STAMBPL1: variants seen among roughly 807,000 people sequenced by gnomAD.
STAMBPL1 encodes the protein STAM binding protein like 1, also known as AMSH-like protease.
In STAMBPL1, 44 loss-of-function variants were observed where a neutral mutation model predicts 52.9. The observed-to-expected ratio is 0.83, with a 90% CI of 0.65 to 1.07. STAMBPL1 has a LOEUF of 1.07. STAMBPL1 is among the 50% of genes least tolerant of loss of function. The probability of loss-of-function intolerance (pLI) is 0.00; values close to 1 mark genes in which losing one functional copy is unlikely to be tolerated. For synonymous variants in STAMBPL1, 164 were observed against 177.3 expected (o/e 0.92, Z 0.60); for missense variants, 511 against 520.8 (o/e 0.98, Z 0.18).
chr10:88,887,858 G>T lies in STAMBPL1; in HGVS notation c.-54+7220G>T, dbSNP rs893889067. Reference sequence around the variant, plus strand: ...AACAATCTTCTCAGGAGATTCTGATGCAGGTGCTCAGTAAACCACCCTTTT... The same window carrying T: ...AACAATCTTCTCAGGAGATTCTGATTCAGGTGCTCAGTAAACCACCCTTTT... On this transcript the variant is annotated intron_variant, in intron 1 of 10. Coordinates refer to ENST00000371926, the MANE Select transcript of STAMBPL1 (RefSeq NM_020799.4). Among the ~76,000 whole-genome samples the T allele has an allele frequency of 2.6e-5, 4 of 152,292 alleles. No homozygotes were observed. The South Asian group carries it at 8.3e-4, about 32-fold the overall frequency.
intron 1 of STAMBPL1, among the ~76,000 whole-genome samples, chr10:88,888,870 C>A (rs1844608120): frequency 6.6e-6 from 1 of 152,140 alleles, no homozygotes; most frequent in Admixed American, 6.5e-5. Flanking sequence ...ATACTTATAA[C>A]AAATTGTACA....
At chr10:88,883,218 G>C (rs1844451256) in intron 1 of STAMBPL1, among the ~76,000 whole-genome samples, 1 of 151,898 alleles carries the variant, frequency 6.6e-6, no homozygotes, top group African/African-American at 2.4e-5. Flanking sequence ...CACCTCTTCT[G>C]CTATTTTTTA....
intron 1 of STAMBPL1, among the ~76,000 whole-genome samples, chr10:88,898,132 C>T (rs1844856972): frequency 6.6e-6 from 1 of 151,832 alleles, no homozygotes; most frequent in African/African-American, 2.4e-5. Context: ...GTCTTGGAAC[C>T]CCTTTACACT....
chr10:88,898,973 G>A (rs994973486), intron 1 of STAMBPL1, among the ~76,000 whole-genome samples: 7 of 152,190 alleles, frequency 4.6e-5, no homozygotes, highest in Admixed American at 1.3e-4. Flanking sequence ...GCTGCACATC[G>A]TTCCCAGGGC....
chr10:88,881,134 C>CTT (rs1844395372), intron 1 of STAMBPL1, among the ~76,000 whole-genome samples: 1 of 152,106 alleles, frequency 6.6e-6, no homozygotes, highest in Non-Finnish European at 1.5e-5. Context: ...GATGATGTTA[C>CTT]TTTTATGCCC....
At chr10:88,919,228 C>T (rs897138726) in intron 8 of STAMBPL1, among the ~76,000 whole-genome samples, 1 of 152,166 alleles carries the variant, frequency 6.6e-6, no homozygotes, top group Admixed American at 6.6e-5. Flanking sequence ...TCAGTTTCCT[C>T]ATCTGCAAAA....
At position 88,917,039 on chromosome 10, in the gene STAMBPL1, T is replaced by G. The variant is rs187784644; in HGVS notation, c.1041+222T>G. ...TATAGCATATTTTTCAGTGTTAGAC[T>G]GTGCCTAAACCTGTCAAATCTGGAT... On this transcript the variant is annotated intron_variant, in intron 8 of 10. Coordinates refer to ENST00000371926, the MANE Select transcript of STAMBPL1 (RefSeq NM_020799.4). Among the ~76,000 whole-genome samples the G allele has an allele frequency of 3.7e-3, 559 of 152,310 alleles. 5 individuals carry two copies. Among genetic ancestry groups the G allele is most frequent in the African/African-American group, 0.013 (527 of 41,586 alleles).
intron 1 of STAMBPL1, among the ~76,000 whole-genome samples, chr10:88,900,572 A>G (rs73364839): frequency 0.054 from 8,222 of 152,258 alleles, 572 homozygotes; most frequent in African/African-American, 0.16. Context: ...GATACTCTAA[A>G]GACTTTATGT....
chr10:88,881,247 T>A (rs1844399070), intron 1 of STAMBPL1, among the ~76,000 whole-genome samples: 1 of 151,998 alleles, frequency 6.6e-6, no homozygotes, highest in South Asian at 2.1e-4. Flanking sequence ...CCAAAACATA[T>A]TTTTTTCAGA....
intron 1 of STAMBPL1, among the ~76,000 whole-genome samples, chr10:88,889,562 A>C (rs1283754657): frequency 6.6e-6 from 1 of 152,180 alleles, no homozygotes; most frequent in Admixed American, 6.5e-5. Flanking sequence ...CAGTGGTGCA[A>C]ACTTTTTTAT....
rs138429431 is a variant in STAMBPL1, at chr10:88,922,475, T to C, written c.1254+39T>C. On this transcript the variant is annotated intron_variant, in intron 10 of 10. Coordinates refer to ENST00000371926, the MANE Select transcript of STAMBPL1 (RefSeq NM_020799.4). The stretch of plus-strand genomic sequence containing the variant: ...ATTAGTTATTTTTCCAGGTATTTCT[T>C]GTTCACTGCCCCCCCAATCTGTTTT... 2.8e-3 allele frequency: 4,390 copies of C among 1,573,038 alleles called. 13 individuals carry two copies. The highest frequency in any genetic ancestry group is 3.4e-3 in the Non-Finnish European group (3,860 of 1,143,722).
At chr10:88,915,288 T>C (rs1322736267) in intron 7 of STAMBPL1, among the ~76,000 whole-genome samples, 1 of 152,218 alleles carries the variant, frequency 6.6e-6, no homozygotes, top group African/African-American at 2.4e-5. Flanking sequence ...TCATAGTCTG[T>C]TTTGAGTACC....
At chr10:88,908,289 A>G (rs1240775554) in intron 3 of STAMBPL1, among the ~76,000 whole-genome samples, 1 of 152,174 alleles carries the variant, frequency 6.6e-6, no homozygotes, top group Non-Finnish European at 1.5e-5. Context: ...CTGCTGATTC[A>G]TCAGTGGTCG....
chr10:88,909,076 G>A (rs970719938), intron 4 of STAMBPL1, among the ~76,000 whole-genome samples: 15 of 152,120 alleles, frequency 9.9e-5, no homozygotes, highest in Admixed American at 2.0e-4. Context: ...GTATTTCTGC[G>A]AACTTCTTTC....
intron 1 of STAMBPL1, among the ~76,000 whole-genome samples, chr10:88,883,023 C>T (rs1406679388): frequency 7.8e-6 from 1 of 127,606 alleles, no homozygotes; most frequent in African/African-American, 2.9e-5. Flanking sequence ...CCCCACCCCA[C>T]GACAGGCCCG....
intron 4 of STAMBPL1, 51 bp downstream of exon 4, chr10:88,908,828 C>T (rs1487385992): frequency 5.7e-6 from 8 of 1,413,734 alleles, no homozygotes; most frequent in Non-Finnish European, 7.7e-6. Context: ...CATAAGTATC[C>T]ATTATTGATT....
chr10:88,907,813 C>T (rs993380579), intron 3 of STAMBPL1, among the ~76,000 whole-genome samples: 2 of 152,152 alleles, frequency 1.3e-5, no homozygotes, highest in African/African-American at 4.8e-5. Flanking sequence ...GGGAATTATG[C>T]TAACATTTCT....
intron 2 of STAMBPL1, among the ~76,000 whole-genome samples, chr10:88,904,220 G>C (rs191192140): frequency 6.6e-5 from 10 of 152,284 alleles, no homozygotes; most frequent in African/African-American, 2.4e-4. Flanking sequence ...ATCCAGCAAT[G>C]GTAGAAGGGG....
Position 88,923,172 on chromosome 10 carries a change from G to A in STAMBPL1, c.1259G>A (p.Cys420Tyr), listed in dbSNP as rs145246768. 69 of 1,603,970 alleles carry A rather than the reference G, an allele frequency of 4.3e-5. No homozygotes were observed. Among genetic ancestry groups the A allele is most frequent in the Non-Finnish European group, 1.7e-5 (20 of 1,177,430 alleles). ...HTKEPRLFSI[C>Y]KHVLVKDIKI... ...AACCAATTTTTTCTTTCCTAGATAT[G>A]CAAACATGTGTTGGTAAAAGACATA... Residue 420 changes from cysteine (C) to tyrosine (Y), a missense_variant, in exon 11 of 11, where the codon TGC becomes TAC. Cys to Tyr is a radical substitution (Grantham distance 194). Coordinates refer to ENST00000371926, the MANE Select transcript of STAMBPL1 (RefSeq NM_020799.4).
Sources: gnomAD v4.1 joint callset for allele counts (sites outside exome capture counted in the v4.1 genomes callset) on GRCh38, gnomAD v4.1.1 for gene constraint, MANE v1.5 for transcripts, NCBI Gene and HGNC (gene_info 2026-07-23, HGNC 2026-07-21) for gene names.